Variants in ZNF423 observed in about 807,000 individuals in gnomAD.
ZNF423 encodes zinc finger protein 423.
ZNF423 carries 12 observed loss-of-function variants against 95.8 expected under a neutral mutation model. The observed-to-expected ratio is 0.13, with a 90% confidence interval of 0.08 to 0.20. The LOEUF is 0.20. Among genes scored for constraint, ZNF423 ranks in the 10% least tolerant of loss-of-function variants. ZNF423 has a pLI of 1.00. For missense variants in ZNF423, 1,316 were observed against 1,737.1 expected, an observed-to-expected ratio of 0.76 and a Z score of 4.31; for synonymous variants, 749 against 711.9, an observed-to-expected ratio of 1.05 and a Z score of -0.83.
At chr16:49,811,557 A>G (rs2034752882) in intron 1 of ZNF423, among the ~76,000 whole-genome samples, 1 of 152,138 alleles carries the variant, frequency 6.6e-6, no homozygotes. Context: ...CCAAACTTCT[A>G]GCAGTCCAAA....
chr16:49,827,904 T>C (rs2035023210), intron 1 of ZNF423, among the ~76,000 whole-genome samples: 1 of 152,232 alleles, frequency 6.6e-6, no homozygotes, highest in Non-Finnish European at 1.5e-5. Context: ...CCAGTCTGAA[T>C]GATTAACTTG....
chr16:49,779,888 C>G (rs2034181693), intron 2 of ZNF423, among the ~76,000 whole-genome samples: 1 of 152,172 alleles, frequency 6.6e-6, no homozygotes, highest in Non-Finnish European at 1.5e-5. Flanking sequence ...CCAACAGCAC[C>G]AGGAGAGGAG....
chr16:49,634,872 G>C (rs954906228), intron 4 of ZNF423, among the ~76,000 whole-genome samples: 1 of 152,194 alleles, frequency 6.6e-6, no homozygotes. Context: ...CTCATTGAAA[G>C]CCACTTATCA....
chr16:49,643,642 C>T (rs888896488), intron 3 of ZNF423, among the ~76,000 whole-genome samples: 1 of 148,562 alleles, frequency 6.7e-6, no homozygotes, highest in East Asian at 2.0e-4. Flanking sequence ...CCCTGCCCCC[C>T]AGAGTAAATG....
At chr16:49,595,916 G>A (rs1161378018) in intron 5 of ZNF423, among the ~76,000 whole-genome samples, 1 of 152,022 alleles carries the variant, frequency 6.6e-6, no homozygotes, top group African/African-American at 2.4e-5. Context: ...TTACATTAGC[G>A]CTCAACGTGA....
intron 2 of ZNF423, among the ~76,000 whole-genome samples, chr16:49,763,150 G>C (rs1331828984): frequency 6.6e-6 from 1 of 152,216 alleles, no homozygotes; most frequent in Non-Finnish European, 1.5e-5. Context: ...TTACAGGCGT[G>C]AGTCACTGTG....
At chr16:49,842,977 CAAA>C (rs71380379) in intron 1 of ZNF423, among the ~76,000 whole-genome samples, 6 of 97,338 alleles carry the variant, frequency 6.2e-5, no homozygotes, top group Admixed American at 1.1e-4. Context: ...GACTCCGTCT[CAAA>C]AAAAAAAAAA....
At chr16:49,519,626 CA>C (rs1359130048) in intron 7 of ZNF423, among the ~76,000 whole-genome samples, 2 of 152,184 alleles carry the variant, frequency 1.3e-5, no homozygotes, top group Non-Finnish European at 2.9e-5. Context: ...AGTCTGGATA[CA>C]AGTGCTTTAT....
intron 2 of ZNF423, among the ~76,000 whole-genome samples, chr16:49,747,827 C>T (rs2033556937): frequency 6.6e-6 from 1 of 152,256 alleles, no homozygotes; most frequent in Non-Finnish European, 1.5e-5. Flanking sequence ...ATCTGTGACG[C>T]AAGAGATTGT....
At chr16:49,680,460 A>G (rs978402972) in intron 3 of ZNF423, among the ~76,000 whole-genome samples, 1 of 152,196 alleles carries the variant, frequency 6.6e-6, no homozygotes, top group Non-Finnish European at 1.5e-5. Context: ...CCTGCTTACC[A>G]TGTTGCAGGC....
At chr16:49,604,549 A>G (rs933267715) in intron 5 of ZNF423, among the ~76,000 whole-genome samples, 3 of 152,134 alleles carry the variant, frequency 2.0e-5, no homozygotes, top group African/African-American at 7.2e-5. Context: ...GCATCACCTC[A>G]GCAGGGTTCC....
intron 1 of ZNF423, among the ~76,000 whole-genome samples, chr16:49,807,530 G>T (rs545974394): frequency 6.6e-6 from 1 of 152,124 alleles, no homozygotes; most frequent in South Asian, 2.1e-4. Context: ...AAGACACCCC[G>T]GGGTAGGGGC....
intron 5 of ZNF423, among the ~76,000 whole-genome samples, chr16:49,588,411 C>T (rs976054452): frequency 5.9e-5 from 9 of 152,232 alleles, no homozygotes; most frequent in African/African-American, 2.2e-4. Context: ...ACAGAGCTCT[C>T]ACCAGGTCCC....
At chr16:49,560,549 A>C (rs1166995552) in intron 5 of ZNF423, among the ~76,000 whole-genome samples, 1 of 152,140 alleles carries the variant, frequency 6.6e-6, no homozygotes, top group African/African-American at 2.4e-5. Context: ...CTTACTGTCA[A>C]GTTTTCGATT....
intron 5 of ZNF423, among the ~76,000 whole-genome samples, chr16:49,605,752 C>T (rs987688933): frequency 3.3e-5 from 5 of 152,224 alleles, no homozygotes; most frequent in African/African-American, 1.2e-4. Context: ...TGGAGTCATT[C>T]CCAAGGCCCC....
chr16:49,558,152 C>A (rs937239348), intron 5 of ZNF423, among the ~76,000 whole-genome samples: 1 of 152,222 alleles, frequency 6.6e-6, no homozygotes, highest in Non-Finnish European at 1.5e-5. Context: ...CTCTCCAGGG[C>A]AGGCGTTCAT....
intron 1 of ZNF423, among the ~76,000 whole-genome samples, chr16:49,842,695 G>C (rs942456453): frequency 3.3e-5 from 5 of 152,252 alleles, no homozygotes; most frequent in East Asian, 1.9e-4. Context: ...AGAGAAAAAG[G>C]CTGGGCGCCG....
chr16:49,827,577 T>C (rs1256510778), intron 1 of ZNF423, among the ~76,000 whole-genome samples: 1 of 151,982 alleles, frequency 6.6e-6, no homozygotes, highest in African/African-American at 2.4e-5. Context: ...GTGTAGCGGC[T>C]CAATCATAGT....
At chr16:49,727,368 G>A (rs566571309) in intron 3 of ZNF423, among the ~76,000 whole-genome samples, 356 of 152,196 alleles carry the variant, frequency 2.3e-3, no homozygotes, top group Middle Eastern at 0.01. Context: ...GGCCATTCTG[G>A]CATGAAGCTC....
Sources: allele counts gnomAD v4.1 joint callset (sites outside exome capture counted in the v4.1 genomes callset), GRCh38; gene constraint gnomAD v4.1.1; transcripts MANE v1.5; gene names NCBI Gene and HGNC (gene_info 2026-07-23, HGNC 2026-07-21).